Variants in AGPAT4 observed in about 807,000 individuals in gnomAD.
The protein encoded by AGPAT4 is 1-acyl-sn-glycerol-3-phosphate acyltransferase delta.
A neutral mutation model predicts 48.0 loss-of-function variants in AGPAT4; 15 were observed. The observed-to-expected ratio is 0.31, with a 90% CI of 0.21 to 0.48. AGPAT4 has a LOEUF of 0.48. Among genes scored for constraint, AGPAT4 ranks in the 20% least tolerant of loss-of-function variants. The pLI is 0.99. For missense variants in AGPAT4, 314 were observed against 482.5 expected, an observed-to-expected ratio of 0.65 and a Z score of 3.27; for synonymous variants, 178 against 198.7, an observed-to-expected ratio of 0.90 and a Z score of 0.88.
At chr6:161,256,794 TG>T (rs1782956231) in intron 1 of AGPAT4, among the ~76,000 whole-genome samples, 1 of 152,108 alleles carries the variant, frequency 6.6e-6, no homozygotes, top group African/African-American at 2.4e-5. Context: ...GGGAAAGAAA[TG>T]GGTTCATCAG....
At position 161,231,859 on chromosome 6, in the gene AGPAT4, T is replaced by C. The variant is rs1219788218; in HGVS notation, c.178+177A>G. Among the ~76,000 whole-genome samples, 1 of 152,168 alleles carries C rather than the reference T, an allele frequency of 6.6e-6. No homozygotes were observed. The highest frequency in any genetic ancestry group is 1.5e-5 in the Non-Finnish European group (1 of 68,040). On this transcript the variant is annotated intron_variant, in intron 2 of 8. Transcript: ENST00000320285. This position sits in a 1 kb window ranked among gnomAD's most constrained non-coding sequence, Gnocchi z 5.3. ...AATTTTGAGCTACTGGCATTATTCA[T>C]TCAAAAAATAATTTTGGGGGATTGA...
Position 161,272,350 on chromosome 6 carries a change from T to C in AGPAT4, c.-90+1588A>G, listed in dbSNP as rs553684032. ...CTTCACACATGTTTATCTTAAATTA[T>C]AGATAATTTTAAGAGTCATGAATGG... On this transcript the variant is annotated intron_variant, in intron 1 of 8. Transcript: ENST00000320285. This position sits in a 1 kb window ranked among gnomAD's most constrained non-coding sequence, Gnocchi z 4.2. Among the ~76,000 whole-genome samples the C allele has an allele frequency of 5.3e-5, 8 of 152,326 alleles. No homozygotes were observed. In the East Asian group the frequency reaches 1.4e-3, roughly 26 times the overall value.
In AGPAT4 at chr6:161,245,492, C is replaced by T. The variant is rs1178777083; in HGVS notation, c.-89-13190G>A. ...GGCATTAAGCACCCTAGAGGGATCG[C>T]CAGGAGTAGAGCTCAGAGGAAGCAC... On this transcript the variant is annotated intron_variant, in intron 1 of 8. Coordinates refer to ENST00000320285, the MANE Select transcript of AGPAT4 (RefSeq NM_020133.3). The surrounding 1 kb of genome is among the most constrained non-coding windows in gnomAD (Gnocchi z 5.2). Among the ~76,000 whole-genome samples the T allele has an allele frequency of 3.3e-5, 5 of 152,134 alleles. No individual in the cohort carries two copies. Among genetic ancestry groups the T allele is most frequent in the African/African-American group, 1.2e-4 (5 of 41,410 alleles).
At position 161,184,094 on chromosome 6, in the gene AGPAT4, A is replaced by G. The variant is rs1372696671; in HGVS notation, c.179-17677T>C. 1.3e-5 allele frequency among the ~76,000 whole-genome samples: 2 copies of G among 152,100 alleles called. No individual in the cohort carries two copies. Among genetic ancestry groups the G allele is most frequent in the African/African-American group, 4.8e-5 (2 of 41,420 alleles). On this transcript the variant is annotated intron_variant, in intron 2 of 8. Transcript: ENST00000320285. This position sits in a 1 kb window ranked among gnomAD's most constrained non-coding sequence, Gnocchi z 4.8. ...AGGGATTGGTTTTGCCCACTGGTGT[A>G]CATCCAGTGCCTGGAACTGGGGACA... is the stretch of plus-strand genomic sequence containing the variant.
At chr6:161,151,127 A>G (rs1381573309) in intron 5 of AGPAT4, among the ~76,000 whole-genome samples, 1 of 152,234 alleles carries the variant, frequency 6.6e-6, no homozygotes, top group Admixed American at 6.5e-5. Context: ...AGAAGGAGTG[A>G]GAGCAGCCGC....
chr6:161,189,604 C>T lies in AGPAT4; in HGVS notation c.179-23187G>A, dbSNP rs1422387981. Reference sequence around the variant, plus strand: ...CTTGCCCCAGGCCACTGAGACGGTACGGACTTCTGTCTGTGCTGTACACTT... The same window carrying T: ...CTTGCCCCAGGCCACTGAGACGGTATGGACTTCTGTCTGTGCTGTACACTT... On this transcript the variant is annotated intron_variant, in intron 2 of 8. Coordinates refer to ENST00000320285, the MANE Select transcript of AGPAT4 (RefSeq NM_020133.3). This position sits in a 1 kb window ranked among gnomAD's most constrained non-coding sequence, Gnocchi z 5.3. 3.3e-5 allele frequency among the ~76,000 whole-genome samples: 5 copies of T among 152,132 alleles called. No individual in the cohort carries two copies. Among genetic ancestry groups the T allele is most frequent in the East Asian group, 1.9e-4 (1 of 5,192 alleles).
intron 1 of AGPAT4, among the ~76,000 whole-genome samples, chr6:161,257,744 G>GA (rs913474629): frequency 7.3e-5 from 11 of 150,498 alleles, no homozygotes; most frequent in Middle Eastern, 6.8e-3. Context: ...AGAAAGAGAA[G>GA]AAAAAAAAAG....
At position 161,222,075 on chromosome 6, in the gene AGPAT4, C is replaced by T. The variant is rs369938328; in HGVS notation, c.178+9961G>A. On this transcript the variant is annotated intron_variant, in intron 2 of 8. Coordinates refer to ENST00000320285, the MANE Select transcript of AGPAT4 (RefSeq NM_020133.3). The surrounding 1 kb of genome is among the most constrained non-coding windows in gnomAD (Gnocchi z 5.9). ...ATTTGGGATGAGGGTTGACTATGCTCTGCTCAGGTCCTGTAAGGCACAGCC... is the reference window on the plus strand; with the variant it reads ...ATTTGGGATGAGGGTTGACTATGCTTTGCTCAGGTCCTGTAAGGCACAGCC... Among the ~76,000 whole-genome samples, 4 of 152,246 alleles carry T rather than the reference C, an allele frequency of 2.6e-5. No homozygotes were observed. The highest frequency in any genetic ancestry group is 3.8e-4 in the East Asian group (2 of 5,202).
rs554860065 is a variant in AGPAT4 at position 161,233,891 on chromosome 6, C to G, written c.-89-1589G>C. The stretch of plus-strand genomic sequence containing the variant: ...CATTTTAAGGCTCCTATGAATCCCA[C>G]AAGACGAGTATTCTTATCATCCCAC... On this transcript the variant is annotated intron_variant, in intron 1 of 8. Coordinates refer to ENST00000320285, the MANE Select transcript of AGPAT4 (RefSeq NM_020133.3). This position sits in a 1 kb window ranked among gnomAD's most constrained non-coding sequence, Gnocchi z 5.4. Among the ~76,000 whole-genome samples, 14 of 152,212 alleles carry G rather than the reference C, an allele frequency of 9.2e-5. No individual in the cohort carries two copies. The highest frequency in any genetic ancestry group is 1.5e-4 in the Non-Finnish European group (10 of 68,048).
chr6:161,188,873 T>G (rs1780847689), intron 2 of AGPAT4, among the ~76,000 whole-genome samples: 1 of 152,118 alleles, frequency 6.6e-6, no homozygotes, highest in South Asian at 2.1e-4. Flanking sequence ...GGCATCGCTA[T>G]CTCATTTCAC....
Position 161,133,227 on chromosome 6 carries a change from T to G in AGPAT4, c.*3313A>C, listed in dbSNP as rs1288289054. The G allele has an allele frequency of 6.6e-6, 1 of 152,210 alleles. No homozygotes were observed. Among genetic ancestry groups the G allele is most frequent in the Admixed American group, 6.5e-5 (1 of 15,282 alleles). 9.4% of individuals were successfully genotyped at this position (152,210 alleles called of 1,614,324 possible). A position where few individuals can be genotyped will look rare whatever the true frequency, so the allele number is the denominator to read the frequency against. The stretch of plus-strand genomic sequence containing the variant: ...CCACTCCTCCACTCCAGTGGGGCCT[T>G]TTTTGTGTCTTTCACATCACTGTTA... On this transcript the variant is annotated 3_prime_UTR_variant, in exon 9 of 9. Coordinates refer to ENST00000320285, the MANE Select transcript of AGPAT4 (RefSeq NM_020133.3).
In AGPAT4 at chr6:161,139,714, A is replaced by G. The variant is rs1779188561; in HGVS notation, c.844-94T>C. ...GCTTCCAAGGGAATCGCAGAGATAC[A>G]CAGGTGCCACCGGGGCTCGGCAGAA... On this transcript the variant is annotated intron_variant, in intron 7 of 8. Transcript: ENST00000320285. The surrounding 1 kb of genome is among the most constrained non-coding windows in gnomAD (Gnocchi z 9.1). 2 of 1,144,938 alleles carry G rather than the reference A, an allele frequency of 1.7e-6. No homozygotes were observed. Among genetic ancestry groups the G allele is most frequent in the Admixed American group, 2.3e-5 (1 of 43,058 alleles). The allele number at this position is 1,144,938 out of a possible 1,614,324, so 70.9% of individuals were successfully genotyped here.
intron 5 of AGPAT4, among the ~76,000 whole-genome samples, chr6:161,152,405 G>C (rs950893523): frequency 6.6e-6 from 1 of 152,146 alleles, no homozygotes; most frequent in Non-Finnish European, 1.5e-5. Flanking sequence ...AGGCAGCAGA[G>C]GCCAGCAGGG....
At position 161,223,423 on chromosome 6, in the gene AGPAT4, C is replaced by T. The variant is rs911826165; in HGVS notation, c.178+8613G>A. Among the ~76,000 whole-genome samples, 1 of 152,184 alleles carries T rather than the reference C, an allele frequency of 6.6e-6. No individual in the cohort carries two copies. The highest frequency in any genetic ancestry group is 2.4e-5 in the African/African-American group (1 of 41,444). ...GTGGTGGAAAAGGGGATTTTGGAAT[C>T]TCAGCTCTCCTCCTCTCTGTTCGGC... is the stretch of plus-strand genomic sequence containing the variant. On this transcript the variant is annotated intron_variant, in intron 2 of 8. Coordinates refer to ENST00000320285, the MANE Select transcript of AGPAT4 (RefSeq NM_020133.3). This position sits in a 1 kb window ranked among gnomAD's most constrained non-coding sequence, Gnocchi z 6.3.
intron 3 of AGPAT4, chr6:161,160,709 A>C (rs898227982): frequency 3.7e-5 from 12 of 328,044 alleles, no homozygotes; most frequent in Non-Finnish European, 6.0e-5. Flanking sequence ...TCAGGACACA[A>C]AGATGGGAGA....
At chr6:161,186,808 C>T (rs1373060596) in intron 2 of AGPAT4, among the ~76,000 whole-genome samples, 1 of 152,218 alleles carries the variant, frequency 6.6e-6, no homozygotes, top group Admixed American at 6.5e-5. Context: ...CTGTACCTAC[C>T]CCAAGCTCTG....
chr6:161,151,907 G>A (rs1779602048), intron 5 of AGPAT4, among the ~76,000 whole-genome samples: 1 of 152,220 alleles, frequency 6.6e-6, no homozygotes, highest in Non-Finnish European at 1.5e-5. Flanking sequence ...ACTGCAGGGA[G>A]CAGGATAATT....
Position 161,141,646 on chromosome 6 carries a change from T to TA in AGPAT4, c.844-2027dup, listed in dbSNP as rs1779253978. On this transcript the variant is annotated intron_variant, in intron 7 of 8. Transcript: ENST00000320285. This position sits in a 1 kb window ranked among gnomAD's most constrained non-coding sequence, Gnocchi z 6.7. ...TACATGCCATAGAACTCACCCATTT[T>TA]AAAAAATGGGCAAATGTGGCTTTTG... Among the ~76,000 whole-genome samples the TA allele has an allele frequency of 6.6e-6, 1 of 152,322 alleles. No individual in the cohort carries two copies. Among genetic ancestry groups the TA allele is most frequent in the East Asian group, 1.9e-4 (1 of 5,192 alleles).
rs1156358287 is a variant in AGPAT4 at position 161,220,940 on chromosome 6, C to G, written c.178+11096G>C. On this transcript the variant is annotated intron_variant, in intron 2 of 8. Coordinates refer to ENST00000320285, the MANE Select transcript of AGPAT4 (RefSeq NM_020133.3). The surrounding 1 kb of genome is among the most constrained non-coding windows in gnomAD (Gnocchi z 6.0). ...CTGGGATTACAGGCGCGTGCCACCA[C>G]ACCTGGCTAATTTTTTTTATTTTTA... Among the ~76,000 whole-genome samples the G allele has an allele frequency of 3.3e-5, 5 of 152,092 alleles. No homozygotes were observed. The highest frequency in any genetic ancestry group is 4.4e-5 in the Non-Finnish European group (3 of 68,040).
Sources: allele counts gnomAD v4.1 joint callset (sites outside exome capture counted in the v4.1 genomes callset), GRCh38; gene constraint gnomAD v4.1.1; non-coding constraint Gnocchi (gnomAD v3.1); transcripts MANE v1.5; gene names NCBI Gene and HGNC (gene_info 2026-07-23, HGNC 2026-07-21).